Variants in PCDHA1 observed in about 807,000 individuals in gnomAD.
PCDHA1 encodes the protein protocadherin alpha 1.
Under a neutral mutation model 61.3 loss-of-function variants are expected in PCDHA1, and 42 were observed. The observed-to-expected ratio is 0.69, with a 90% confidence interval of 0.54 to 0.89. The LOEUF is 0.89. Among genes scored for constraint, PCDHA1 ranks in the 40% least tolerant of loss-of-function variants. The pLI is 0.00. For synonymous variants in PCDHA1, 610 were observed against 553.8 expected (o/e 1.10, Z -1.43); for missense variants, 1,256 against 1,235.3 (o/e 1.02, Z -0.25).
At position 140,786,637 on chromosome 5, in the gene PCDHA1, T is replaced by C. The variant is rs374382875; in HGVS notation, c.347T>C (p.Val116Ala). The C allele has an allele frequency of 1.4e-4, 227 of 1,614,160 alleles. No individual in the cohort carries two copies. Among genetic ancestry groups the C allele is most frequent in the Non-Finnish European group, 1.8e-4 (213 of 1,180,022 alleles). Residue 116 changes from valine (V) to alanine (A), a missense_variant, in exon 1 of 4, where the codon GTT becomes GCT. By Grantham distance (64) the Val-to-Ala change is moderately conservative. Transcript: ENST00000504120. The part of the protein sequence containing the change: ...LELIADRPLQ[V>A]FHVEVKVKDI... ...TTGATCGCCGACAGGCCGCTGCAGG[T>C]TTTCCATGTGGAGGTGAAGGTGAAA...
intron 1 of PCDHA1, among the ~76,000 whole-genome samples, chr5:140,932,087 A>G (rs1262295013): frequency 6.6e-6 from 1 of 151,918 alleles, no homozygotes; most frequent in African/African-American, 2.4e-5. Flanking sequence ...TCAGGAAAAC[A>G]TGGTTTTTAT....
At chr5:140,812,940 C>T (rs1765202125) in intron 1 of PCDHA1, 2 of 152,160 alleles carry the variant, frequency 1.3e-5, no homozygotes, top group African/African-American at 4.8e-5. Flanking sequence ...TACATATTTG[C>T]AGATTTTCCA....
chr5:140,791,182 C>T (rs924775104), intron 1 of PCDHA1, among the ~76,000 whole-genome samples: 2 of 152,188 alleles, frequency 1.3e-5, no homozygotes, highest in South Asian at 4.1e-4. Flanking sequence ...TACCGATATT[C>T]CTCTGAGAAT....
chr5:140,929,112 C>A, intron 1 of PCDHA1: 1 of 1,614,130 alleles, frequency 6.2e-7, no homozygotes, highest in South Asian at 1.1e-5. Flanking sequence ...TGACATCAGC[C>A]ACCATAGATG....
At chr5:140,896,541 T>C (rs2065612579) in intron 1 of PCDHA1, among the ~76,000 whole-genome samples, 1 of 151,728 alleles carries the variant, frequency 6.6e-6, no homozygotes, top group South Asian at 2.1e-4. Flanking sequence ...TTTTTCTTTT[T>C]TTTTTTTGTA....
intron 1 of PCDHA1, chr5:140,821,825 G>A: frequency 6.2e-7 from 1 of 1,614,132 alleles, no homozygotes; most frequent in South Asian, 1.1e-5. Context: ...CTGCTGCTCT[G>A]GCTTCTCCTT....
At chr5:140,907,970 A>C (rs1312755290) in intron 1 of PCDHA1, among the ~76,000 whole-genome samples, 3 of 152,158 alleles carry the variant, frequency 2.0e-5, no homozygotes, top group Admixed American at 2.0e-4. Flanking sequence ...CAATTTTCCA[A>C]TCATGCTTCT....
chr5:140,893,195 C>T (rs1445634918), intron 1 of PCDHA1, among the ~76,000 whole-genome samples: 2 of 152,164 alleles, frequency 1.3e-5, no homozygotes, highest in Admixed American at 1.3e-4. Context: ...GTGAATAGTG[C>T]TGCAGTAAGT....
At chr5:140,881,244 CG>C in intron 1 of PCDHA1, 1 of 397,012 alleles carries the variant, frequency 2.5e-6, no homozygotes, top group Non-Finnish European at 3.4e-6. Flanking sequence ...ATTTAAATGA[CG>C]GCAAGGTTTT....
intron 1 of PCDHA1, chr5:140,804,936 G>C (rs1239249157): frequency 1.7e-6 from 2 of 1,156,470 alleles, no homozygotes; most frequent in Non-Finnish European, 2.3e-6. Context: ...ACTATCCTTT[G>C]TTGCTCCCTT....
chr5:140,996,141 A>G (rs1238682290), intron 3 of PCDHA1, among the ~76,000 whole-genome samples: 1 of 152,182 alleles, frequency 6.6e-6, no homozygotes, highest in Admixed American at 6.5e-5. Context: ...TTCTCCCATT[A>G]TCTTGCCTTC....
At chr5:140,807,005 C>A in intron 1 of PCDHA1, 1 of 751,302 alleles carries the variant, frequency 1.3e-6, no homozygotes, top group Non-Finnish European at 2.1e-6. Flanking sequence ...CGCTCTTTAC[C>A]ACAAAATACA....
At chr5:140,983,299 A>T (rs1554245269) in intron 3 of PCDHA1, among the ~76,000 whole-genome samples, 1 of 152,186 alleles carries the variant, frequency 6.6e-6, no homozygotes. Flanking sequence ...GCTTAAACTC[A>T]CATTTGCTTG....
rs2150342799 is a variant in PCDHA1 at position 140,842,713 on chromosome 5, G to C, written c.2394+54029G>C. ...CGCAGCCCGAGTACACGGTGTTCGT[G>C]AAGGAGAACAACCCGCCGGGCTGCC... On this transcript the variant is annotated intron_variant, in intron 1 of 3. Coordinates refer to ENST00000504120, the MANE Select transcript of PCDHA1 (RefSeq NM_018900.4). 4.1e-5 allele frequency: 65 copies of C among 1,595,292 alleles called. 3 individuals are homozygous for C. In the Middle Eastern group the frequency reaches 1.3e-3, roughly 31 times the overall value.
intron 1 of PCDHA1, chr5:140,869,322 C>G (rs1169893950): frequency 6.2e-7 from 1 of 1,613,820 alleles, no homozygotes; most frequent in Admixed American, 1.7e-5. Flanking sequence ...CACATGGGGA[C>G]CTTCTGGAGG....
intron 1 of PCDHA1, chr5:140,824,610 G>GTTTTTTTTTTTTTTTTTTTTTTTT (rs782443702): frequency 7.4e-5 from 7 of 95,108 alleles, no homozygotes; most frequent in African/African-American, 1.5e-4. Flanking sequence ...GCTAATTAAA[G>GTTTTTTTTTTTTTTTTTTTTTTTT]TTTTTTTTTT....
At position 141,009,636 on chromosome 5, in the gene PCDHA1, C is replaced by T. The variant is rs782321757; in HGVS notation, c.2552C>T (p.Ala851Val). ...ATGTTTTGTCTTTCAGAACCAGAGG[C>T]AGGAGAAGTGTCCCCTCCAGTCGGT... ...TVSSATPEPE[A>V]GEVSPPVGAG... Residue 851 changes from alanine (A) to valine (V), a missense_variant, in exon 4 of 4, where the codon GCA becomes GTA. Physicochemically the swap from Ala to Val is moderately conservative, Grantham distance 64. Transcript: ENST00000504120. 3.7e-6 allele frequency: 6 copies of T among 1,613,192 alleles called. No homozygotes were observed. Among genetic ancestry groups the T allele is most frequent in the Non-Finnish European group, 4.2e-6 (5 of 1,179,532 alleles).
At chr5:140,832,389 C>G (rs1441016073) in intron 1 of PCDHA1, among the ~76,000 whole-genome samples, 1 of 152,132 alleles carries the variant, frequency 6.6e-6, no homozygotes, top group Non-Finnish European at 1.5e-5. Flanking sequence ...ATGGCAGAAA[C>G]TGGTAGTGGT....
At position 140,807,525 on chromosome 5, in the gene PCDHA1, C is replaced by A. The variant is rs367896801; in HGVS notation, c.2394+18841C>A. 5.0e-6 allele frequency: 8 copies of A among 1,614,052 alleles called. No individual in the cohort carries two copies. The East Asian group carries it at 1.3e-4, about 27-fold the overall frequency. ...CACCTGGAGGTGATCGTAGACAGGC[C>A]GCTGCAGGTTTTCCATGTGGACGTG... On this transcript the variant is annotated intron_variant, in intron 1 of 3. Transcript: ENST00000504120.
Sources: gnomAD v4.1 joint callset for allele counts (sites outside exome capture counted in the v4.1 genomes callset) on GRCh38, gnomAD v4.1.1 for gene constraint, MANE v1.5 for transcripts, NCBI Gene and HGNC (gene_info 2026-07-23, HGNC 2026-07-21) for gene names.